MFSD8: variants seen among roughly 807,000 people sequenced by gnomAD.
MFSD8 encodes the protein major facilitator superfamily domain-containing protein 8.
MFSD8 carries 55 observed loss-of-function variants against 66.4 expected under a neutral mutation model. The ratio of observed to expected loss-of-function variants is 0.83; its 90% CI spans 0.67 to 1.04. MFSD8 has a LOEUF of 1.04. Among genes scored for constraint, MFSD8 ranks in the 50% least tolerant of loss-of-function variants. The pLI is 0.00. For missense variants in MFSD8, 550 were observed against 627.6 expected (o/e 0.88, Z 1.32); for synonymous variants, 202 against 212.8 (o/e 0.95, Z 0.44).
chr4:127,941,980 G>T (rs1740267840), intron 5 of MFSD8, 65 bp downstream of exon 5: 4 of 1,252,930 alleles, frequency 3.2e-6, no homozygotes, highest in South Asian at 2.4e-5. Context: ...GGGTTACACT[G>T]AATATTTAAG....
At chr4:127,961,733 A>T (rs974897014) in intron 1 of MFSD8, among the ~76,000 whole-genome samples, 3 of 147,552 alleles carry the variant, frequency 2.0e-5, no homozygotes, top group Non-Finnish European at 4.5e-5. Flanking sequence ...AGGCAGAAGA[A>T]TGGCGTGAAC....
At position 127,965,143 on chromosome 4, in the gene MFSD8, C is replaced by T; in HGVS notation, c.-10G>A. ...TCCGCAGGCCGGCCATAGTTACACT[C>T]CCTACAAGGCGTCTTGCGCCCAACT... On this transcript the variant is annotated 5_prime_UTR_variant, in exon 1 of 12. Coordinates refer to ENST00000641686, the MANE Select transcript of MFSD8 (RefSeq NM_001371596.2). 2 of 1,613,944 alleles carry T rather than the reference C, an allele frequency of 1.2e-6. No individual in the cohort carries two copies. Among genetic ancestry groups the T allele is most frequent in the Non-Finnish European group, 1.7e-6 (2 of 1,180,016 alleles).
intron 4 of MFSD8, 53 bp from the exon 5 acceptor site, chr4:127,942,211 T>C: frequency 7.2e-7 from 1 of 1,384,872 alleles, no homozygotes; most frequent in Non-Finnish European, 1.0e-6. Flanking sequence ...ATTCAGCTTA[T>C]AAAATTCAAT....
At position 127,957,325 on chromosome 4, in the gene MFSD8, C is replaced by T. The variant is rs114993526; in HGVS notation, c.154+176G>A. Among the ~76,000 whole-genome samples, 456 of 152,194 alleles carry T rather than the reference C, an allele frequency of 3.0e-3. 4 individuals are homozygous for T. The highest frequency in any genetic ancestry group is 0.011 in the African/African-American group (439 of 41,530). ...AATGTTCTAGGGATTGGTTGCACAA[C>T]AATGTGGATATACTTAAGGCTATTG... On this transcript the variant is annotated intron_variant, in intron 2 of 11. Transcript: ENST00000641686.
intron 3 of MFSD8, among the ~76,000 whole-genome samples, chr4:127,946,057 ACTACAGG>A (rs1250655015): frequency 6.6e-6 from 1 of 151,868 alleles, no homozygotes; most frequent in Non-Finnish European, 1.5e-5. Context: ...AGCAGCTGGG[ACTACAGG>A]GAGTAGCACC....
At chr4:127,965,210 T>G (rs796052739), upstream of MFSD8, 211 of 1,577,346 alleles carry the variant, frequency 1.3e-4, no homozygotes, top group Non-Finnish European at 1.7e-4. Flanking sequence ...GGCGTGAAGC[T>G]GGCAAAACAA....
chr4:127,944,723 C>T (rs976128264), intron 3 of MFSD8, among the ~76,000 whole-genome samples: 7 of 151,968 alleles, frequency 4.6e-5, no homozygotes, highest in South Asian at 2.1e-4. Context: ...CGCAGTGGTC[C>T]GATCACGGCT....
chr4:127,920,844 G>C lies in MFSD8; in HGVS notation c.1351-8C>G. The C allele has an allele frequency of 3.1e-6, 5 of 1,612,576 alleles. No individual in the cohort carries two copies. Among genetic ancestry groups the C allele is most frequent in the African/African-American group, 1.3e-5 (1 of 74,980 alleles). On this transcript the variant is annotated splice_region_variant and splice_polypyrimidine_tract_variant and intron_variant, in intron 11 of 11. Transcript: ENST00000641686. ...CCAGCCCATGTATACACCCTGTTGG[G>C]GGTGAAATGGAGGACAAGCAGATTG...
chr4:127,921,849 T>A lies in MFSD8; in HGVS notation c.1102+11A>T. On this transcript the variant is annotated intron_variant, in intron 10 of 11. Transcript: ENST00000641686. ...CAGAGGTTAACATTATAGAATTATG[T>A]ATGGCTATACCTTCCCACTGTATTT... 6.2e-7 allele frequency: 1 copy of A among 1,613,900 alleles called. No homozygotes were observed. Among genetic ancestry groups the A allele is most frequent in the Non-Finnish European group, 8.5e-7 (1 of 1,179,782 alleles).
intron 7 of MFSD8, chr4:127,933,451 C>T (rs555256088): frequency 1.1e-3 from 217 of 196,254 alleles, no homozygotes; most frequent in Non-Finnish European, 1.8e-3. Context: ...ATCATGCTAC[C>T]CAGTCTGGGC....
rs577206855 is a variant in MFSD8 at position 127,947,857 on chromosome 4, C to T, written c.198+1947G>A. 3.5e-3 allele frequency among the ~76,000 whole-genome samples: 455 copies of T among 128,990 alleles called. 4 individuals are homozygous for T. Among genetic ancestry groups the T allele is most frequent in the African/African-American group, 0.013 (437 of 34,498 alleles). 84.6% of individuals were successfully genotyped at this position (128,990 alleles called of 152,430 possible). ...ATCTAGGATAAAACACACATATGCACGTGTGAACACACACACACACACACA... is the reference window on the plus strand; with the variant it reads ...ATCTAGGATAAAACACACATATGCATGTGTGAACACACACACACACACACA... On this transcript the variant is annotated intron_variant, in intron 3 of 11. Coordinates refer to ENST00000641686, the MANE Select transcript of MFSD8 (RefSeq NM_001371596.2).
At chr4:127,928,400 T>C (rs1737570473) in intron 9 of MFSD8, among the ~76,000 whole-genome samples, 2 of 152,176 alleles carry the variant, frequency 1.3e-5, no homozygotes, top group Admixed American at 1.3e-4. Context: ...ATTACAGGCA[T>C]GAGCCACTGC....
At chr4:127,958,849 A>G (rs2148977516) in intron 1 of MFSD8, among the ~76,000 whole-genome samples, 1 of 152,332 alleles carries the variant, frequency 6.6e-6, no homozygotes, top group East Asian at 1.9e-4. Context: ...GACAAATGAC[A>G]ATTATTAAAT....
intron 9 of MFSD8, among the ~76,000 whole-genome samples, chr4:127,922,369 A>G (rs753126191): frequency 3.3e-5 from 5 of 152,128 alleles, no homozygotes; most frequent in Non-Finnish European, 7.4e-5. Flanking sequence ...CACACCTATA[A>G]CCCCAGTACT....
rs575805187 is a variant in MFSD8, at chr4:127,930,871, T to C, written c.864-54A>G. 2.2e-4 allele frequency: 334 copies of C among 1,524,540 alleles called. 4 individuals are homozygous for C. In the South Asian group the frequency reaches 3.4e-3, roughly 15 times the overall value. 94.4% of individuals were successfully genotyped at this position (1,524,540 alleles called of 1,614,324 possible). A position where few individuals can be genotyped will look rare whatever the true frequency, so the allele number is the denominator to read the frequency against. On this transcript the variant is annotated intron_variant, in intron 8 of 11. Transcript: ENST00000641686. ...ATTTAAATCACAGTAACTGTTATAC[T>C]TAAAGTGAAGTGTAAGTTTTAATAA... is the stretch of plus-strand genomic sequence containing the variant.
rs754403098 is a variant in MFSD8 at position 127,943,872 on chromosome 4, G to C, written c.319C>G (p.Leu107Val). The C allele has an allele frequency of 1.2e-6, 2 of 1,614,152 alleles. No homozygotes were observed. Among genetic ancestry groups the C allele is most frequent in the Non-Finnish European group, 1.7e-6 (2 of 1,180,032 alleles). ...WSNYRPRKEPLIVSILISVAA... is the reference protein window; with the variant it reads ...WSNYRPRKEPVIVSILISVAA... ...ACGGAAATCAAGATGGAGACAATAAGAGGCTCTTTTCTTGGTCTATAATTA... is the reference window on the plus strand; with the variant it reads ...ACGGAAATCAAGATGGAGACAATAACAGGCTCTTTTCTTGGTCTATAATTA... The change falls in exon 4 of 12, where the codon CTT becomes GTT. Residue 107 changes from leucine (L) to valine (V), a missense_variant. By Grantham distance (32) the Leu-to-Val change is conservative. Transcript: ENST00000641686.
At chr4:127,946,923 A>C (rs532790634) in intron 3 of MFSD8, among the ~76,000 whole-genome samples, 27 of 151,322 alleles carry the variant, frequency 1.8e-4, no homozygotes, top group Admixed American at 1.1e-3. Context: ...TACAAAAAAA[A>C]CCACAAAAAT....
chr4:127,927,693 A>G (rs1383235808), intron 9 of MFSD8, among the ~76,000 whole-genome samples: 1 of 152,078 alleles, frequency 6.6e-6, no homozygotes, highest in African/African-American at 2.4e-5. Context: ...TTACAAAATG[A>G]TTCTTTTTTT....
At chr4:127,956,376 T>C (rs1350653361) in intron 2 of MFSD8, among the ~76,000 whole-genome samples, 2 of 150,794 alleles carry the variant, frequency 1.3e-5, no homozygotes, top group East Asian at 3.9e-4. Flanking sequence ...GGCGGGTGTC[T>C]GTAGTCCCAG....
Sources: gnomAD v4.1 joint callset for allele counts (sites outside exome capture counted in the v4.1 genomes callset) on GRCh38, gnomAD v4.1.1 for gene constraint, MANE v1.5 for transcripts, NCBI Gene and HGNC (gene_info 2026-07-23, HGNC 2026-07-21) for gene names.